The following CLNK variants were observed in gnomAD, a reference collection of about 807,000 sequenced individuals.
CLNK encodes cytokine dependent hematopoietic cell linker, also known as cytokine-dependent hematopoietic cell linker.
In CLNK, 74 loss-of-function variants were observed where a neutral mutation model predicts 68.6. The ratio of observed to expected loss-of-function variants is 1.08; its 90% CI spans 0.89 to 1.31. The LOEUF (loss-of-function observed/expected upper bound fraction) is 1.31, where lower values mean the gene tolerates loss of function less well. Among genes scored for constraint, CLNK ranks in the 50% most tolerant of loss-of-function variants. CLNK has a pLI of 0.00. For missense variants in CLNK, 553 were observed against 515.3 expected (o/e 1.07, Z -0.71); for synonymous variants, 198 against 172.2 (o/e 1.15, Z -1.17).
chr4:10,513,930 C>T (rs1288619857), intron 15 of CLNK, among the ~76,000 whole-genome samples: 1 of 143,564 alleles, frequency 7.0e-6, no homozygotes, highest in Non-Finnish European at 1.5e-5. Context: ...CATATGTATA[C>T]ATGTGCCATG....
At chr4:10,620,643 C>T (rs1202763998) in intron 2 of CLNK, among the ~76,000 whole-genome samples, 1 of 152,188 alleles carries the variant, frequency 6.6e-6, no homozygotes, top group Non-Finnish European at 1.5e-5. Context: ...AGACCCAGTT[C>T]TGCCTTCTTT....
At chr4:10,653,368 AG>A (rs1723831329) in intron 2 of CLNK, among the ~76,000 whole-genome samples, 1 of 138,402 alleles carries the variant, frequency 7.2e-6, no homozygotes, top group Non-Finnish European at 1.6e-5. Context: ...ATAAAAAAAA[AG>A]AACGTAAAAT....
chr4:10,726,033 GGGCT>G, the CLNK span, among the ~76,000 whole-genome samples: 105 of 152,262 alleles, frequency 6.9e-4, no homozygotes, highest in African/African-American at 2.5e-3. Flanking sequence ...GGTGTGGGCA[GGGCT>G]GGTTCCTTCT....
chr4:10,601,293 G>A (rs1287149731), intron 2 of CLNK, among the ~76,000 whole-genome samples: 5 of 152,182 alleles, frequency 3.3e-5, no homozygotes, highest in Admixed American at 1.3e-4. Flanking sequence ...ACACACCAGC[G>A]AGAAGGAAAG....
intron 2 of CLNK, among the ~76,000 whole-genome samples, chr4:10,635,455 A>G (rs1356588890): frequency 6.6e-6 from 1 of 152,146 alleles, no homozygotes; most frequent in Non-Finnish European, 1.5e-5. Context: ...AAGAGAGAGG[A>G]GGCCTTTTCT....
intron 4 of CLNK, among the ~76,000 whole-genome samples, chr4:10,578,432 T>C (rs549050530): frequency 3.9e-5 from 6 of 152,218 alleles, no homozygotes; most frequent in African/African-American, 1.4e-4. Context: ...ATCATCTGGG[T>C]GTCCCCTTAT....
At chr4:10,567,279 C>A (rs143378640) in intron 5 of CLNK, among the ~76,000 whole-genome samples, 1 of 151,990 alleles carries the variant, frequency 6.6e-6, no homozygotes, top group Non-Finnish European at 1.5e-5. Context: ...CAGAAATAAA[C>A]CTTCACACTG....
At chr4:10,681,002 T>TAA (rs1284990617) in intron 1 of CLNK, among the ~76,000 whole-genome samples, 1 of 152,010 alleles carries the variant, frequency 6.6e-6, no homozygotes, top group Non-Finnish European at 1.5e-5. Context: ...TATATATATA[T>TAA]AAATTTCTAC....
At chr4:10,666,999 G>A (rs1724425934) in intron 2 of CLNK, among the ~76,000 whole-genome samples, 1 of 152,200 alleles carries the variant, frequency 6.6e-6, no homozygotes, top group African/African-American at 2.4e-5. Flanking sequence ...CTCCCGCTAG[G>A]ATCAGGACAT....
chr4:10,640,028 T>C (rs945706181), intron 2 of CLNK, among the ~76,000 whole-genome samples: 3 of 152,256 alleles, frequency 2.0e-5, no homozygotes, highest in East Asian at 1.9e-4. Flanking sequence ...TGGATCATTG[T>C]TCTTCAGTCA....
Position 10,501,327 on chromosome 4 carries a change from A to G in CLNK, c.1069T>C (p.Tyr357His). The G allele has an allele frequency of 1.2e-6, 2 of 1,609,594 alleles. No homozygotes were observed. The highest frequency in any genetic ancestry group is 1.7e-6 in the Non-Finnish European group (2 of 1,178,486). Residue 357 changes from tyrosine (Y) to histidine (H), a missense_variant, in exon 18 of 19, where the codon TAC becomes CAC. By Grantham distance (83) the Tyr-to-His change is moderately conservative (BLOSUM62 2). Transcript: ENST00000226951. ...TCCAGGAAGCGTATTTTTACATTGTAGACTTTGTTCTCATAAAACACAGCC... is the reference window on the plus strand; with the variant it reads ...TCCAGGAAGCGTATTTTTACATTGTGGACTTTGTTCTCATAAAACACAGCC... ...VLAVFYENKV[Y>H]NVKIRFLERN...
chr4:10,624,033 G>A (rs969104578), intron 2 of CLNK, among the ~76,000 whole-genome samples: 2 of 152,286 alleles, frequency 1.3e-5, no homozygotes, highest in South Asian at 2.1e-4. Context: ...TCCCAGTGAC[G>A]GCAACAACCT....
intron 15 of CLNK, among the ~76,000 whole-genome samples, chr4:10,514,249 A>G (rs1348489280): frequency 6.8e-6 from 1 of 146,552 alleles, no homozygotes; most frequent in African/African-American, 2.5e-5. Flanking sequence ...TTCTTAATCC[A>G]GTCTATCATT....
chr4:10,562,031 C>T (rs536028579), intron 7 of CLNK, among the ~76,000 whole-genome samples: 3 of 151,922 alleles, frequency 2.0e-5, no homozygotes, highest in East Asian at 3.9e-4. Flanking sequence ...TTGCTTTGTG[C>T]TTCAGGCTGG....
At chr4:10,632,219 C>G (rs1560253447) in intron 2 of CLNK, among the ~76,000 whole-genome samples, 1 of 152,238 alleles carries the variant, frequency 6.6e-6, no homozygotes, top group Non-Finnish European at 1.5e-5. Context: ...TTGACCATCT[C>G]ATGCCTCTGG....
At chr4:10,697,093 C>G in the CLNK span, 1 of 152,262 alleles carries the variant, frequency 6.6e-6, no homozygotes, top group East Asian at 1.9e-4. Context: ...CAACTGTCAC[C>G]CCTCAACCTT....
intron 2 of CLNK, among the ~76,000 whole-genome samples, chr4:10,655,965 T>C (rs1020412578): frequency 1.3e-5 from 2 of 151,902 alleles, no homozygotes; most frequent in Non-Finnish European, 1.5e-5. Context: ...ATTTTTAATA[T>C]ATAGAGCCGG....
chr4:10,584,070 G>C (rs146659134), intron 4 of CLNK, among the ~76,000 whole-genome samples: 1 of 152,306 alleles, frequency 6.6e-6, no homozygotes, highest in African/African-American at 2.4e-5. Context: ...AGACAATCTT[G>C]TTTAGGCCTG....
At chr4:10,597,731 G>C (rs1389996114) in intron 3 of CLNK, among the ~76,000 whole-genome samples, 1 of 152,104 alleles carries the variant, frequency 6.6e-6, no homozygotes, top group Non-Finnish European at 1.5e-5. Context: ...GGGAGGAGTG[G>C]GTGGAAAGAG....
Sources: gnomAD v4.1 joint callset for allele counts (sites outside exome capture counted in the v4.1 genomes callset) on GRCh38, gnomAD v4.1.1 for gene constraint, MANE v1.5 for transcripts, NCBI Gene and HGNC (gene_info 2026-07-23, HGNC 2026-07-21) for gene names.